The following AGO2 variants were observed in gnomAD, a reference collection of about 807,000 sequenced individuals.
AGO2 encodes the protein argonaute RISC catalytic component 2.
A neutral mutation model predicts 102.3 loss-of-function variants in AGO2; 5 were observed. That is an observed-to-expected ratio of 0.05 (90% CI 0.03 to 0.10). The LOEUF (loss-of-function observed/expected upper bound fraction) is 0.10, where lower values mean the gene tolerates loss of function less well. Among genes scored for constraint, AGO2 ranks in the 10% least tolerant of loss-of-function variants. The probability of loss-of-function intolerance (pLI) is 1.00; values close to 1 mark genes in which losing one functional copy is unlikely to be tolerated. For synonymous variants in AGO2, 449 were observed against 473.1 expected (o/e 0.95, Z 0.66); for missense variants, 541 against 1,183.7 (o/e 0.46, Z 7.97).
intron 1 of AGO2, among the ~76,000 whole-genome samples, chr8:140,611,762 G>A (rs1350706459): frequency 1.3e-5 from 2 of 152,164 alleles, no homozygotes; most frequent in Non-Finnish European, 2.9e-5. Context: ...ACCTCGAGTA[G>A]GGTGCCGGGC....
At chr8:140,566,941 C>T (rs930787567) in intron 3 of AGO2, among the ~76,000 whole-genome samples, 23 of 152,082 alleles carry the variant, frequency 1.5e-4, no homozygotes, top group Non-Finnish European at 1.3e-4. Context: ...TGGGAGAGCG[C>T]GTGCATTTCC....
intron 1 of AGO2, among the ~76,000 whole-genome samples, chr8:140,594,721 T>A (rs565534607): frequency 6.6e-6 from 1 of 151,828 alleles, no homozygotes; most frequent in African/African-American, 2.4e-5. Flanking sequence ...GATGGGAGGA[T>A]CACTTGAGCC....
At chr8:140,560,597 A>G in intron 4 of AGO2, 87 bp from the exon 5 acceptor site, 1 of 1,476,172 alleles carries the variant, frequency 6.8e-7, no homozygotes, top group Non-Finnish European at 9.2e-7. Context: ...GCCTGCGCCC[A>G]CCACACCCTC....
At chr8:140,610,923 C>T (rs1049264669) in intron 1 of AGO2, among the ~76,000 whole-genome samples, 2 of 152,256 alleles carry the variant, frequency 1.3e-5, no homozygotes, top group Admixed American at 1.3e-4. Flanking sequence ...TTTATTCAAA[C>T]ATGTGTGTAA....
At chr8:140,592,797 G>A (rs1179640421) in intron 1 of AGO2, 2 of 152,326 alleles carry the variant, frequency 1.3e-5, no homozygotes, top group African/African-American at 4.8e-5. Context: ...CACCCAGCCT[G>A]TTTCAACTAA....
intron 1 of AGO2, among the ~76,000 whole-genome samples, chr8:140,601,566 T>G (rs906786918): frequency 6.6e-6 from 1 of 152,166 alleles, no homozygotes; most frequent in African/African-American, 2.4e-5. Context: ...AGGTTCTGAT[T>G]TTCCCTTTGC....
intron 1 of AGO2, among the ~76,000 whole-genome samples, chr8:140,608,684 A>G (rs868224): frequency 0.063 from 9,646 of 152,212 alleles, 916 homozygotes; most frequent in African/African-American, 0.21. Flanking sequence ...CCCAACCTCC[A>G]CTGCGCAGGC....
upstream of AGO2, among the ~76,000 whole-genome samples, chr8:140,638,991 C>T (rs1308726923): frequency 6.6e-6 from 1 of 152,156 alleles, no homozygotes; most frequent in Admixed American, 6.6e-5. Context: ...AATCCTCCTA[C>T]CTCAGCCTCC....
intron 1 of AGO2, among the ~76,000 whole-genome samples, chr8:140,588,982 C>T (rs886144561): frequency 2.6e-5 from 4 of 152,238 alleles, no homozygotes; most frequent in Admixed American, 2.0e-4. Flanking sequence ...AATGAGTAAT[C>T]GGCTTCCTGT....
rs773615706 is a variant in AGO2, at chr8:140,558,475, G to A, written c.878+10C>T. On this transcript the variant is annotated intron_variant, in intron 7 of 18. Coordinates refer to ENST00000220592, the MANE Select transcript of AGO2 (RefSeq NM_012154.5). Reference sequence around the variant, plus strand: ...CCAGCCAAGAGAGTCTGAAAGGAAGGGCGTGTTACGTTTGGTGACTGGCGG... The same window carrying A: ...CCAGCCAAGAGAGTCTGAAAGGAAGAGCGTGTTACGTTTGGTGACTGGCGG... 9.9e-6 allele frequency: 16 copies of A among 1,614,020 alleles called. No homozygotes were observed. Among genetic ancestry groups the A allele is most frequent in the Non-Finnish European group, 1.3e-5 (15 of 1,179,972 alleles).
intron 6 of AGO2, among the ~76,000 whole-genome samples, chr8:140,559,183 C>T (rs1057070025): frequency 6.6e-6 from 1 of 152,200 alleles, no homozygotes; most frequent in South Asian, 2.1e-4. Flanking sequence ...CTCATCCTCA[C>T]CCCATGGGGT....
intron 13 of AGO2, among the ~76,000 whole-genome samples, chr8:140,545,296 G>A (rs774053775): frequency 5.9e-5 from 9 of 152,124 alleles, no homozygotes; most frequent in East Asian, 3.9e-4. Context: ...CAAGGTCACC[G>A]ATGAGCTCTG....
chr8:140,600,578 G>C (rs557876277), intron 1 of AGO2, among the ~76,000 whole-genome samples: 1 of 152,136 alleles, frequency 6.6e-6, no homozygotes, highest in African/African-American at 2.4e-5. Flanking sequence ...TACTTGGGAG[G>C]CTGAGGCAGG....
In AGO2 at chr8:140,627,186, G is replaced by A. The variant is rs182541395; in HGVS notation, c.22+8299C>T. ...AGAAGCCTGGGAATGTGGGTCCCAC[G>A]GGAGGATCCTTTCACTATCAAAGCC... On this transcript the variant is annotated intron_variant, in intron 1 of 18. Transcript: ENST00000220592. 6.2e-4 allele frequency among the ~76,000 whole-genome samples: 95 copies of A among 152,316 alleles called. 1 individual carries two copies. The highest frequency in any genetic ancestry group is 3.7e-3 in the Admixed American group (57 of 15,308).
chr8:140,619,381 A>T (rs1449231806), intron 1 of AGO2, among the ~76,000 whole-genome samples: 1 of 152,174 alleles, frequency 6.6e-6, no homozygotes, highest in Admixed American at 6.5e-5. Flanking sequence ...CTTACACTAG[A>T]CGCAACGACA....
At position 140,526,542 on chromosome 8, in the gene AGO2, T is replaced by C. The variant is rs1009203942; in HGVS notation, c.*5502A>G. On this transcript the variant is annotated 3_prime_UTR_variant, in exon 19 of 19. Transcript: ENST00000220592. This position sits in a 1 kb window ranked among gnomAD's most constrained non-coding sequence, Gnocchi z 5.2. ...CATTTTCAAGCCAGAACTGAACAGATAGATGTTCACAATTCAGTTTATTCA... is the reference window on the plus strand; with the variant it reads ...CATTTTCAAGCCAGAACTGAACAGACAGATGTTCACAATTCAGTTTATTCA... The C allele has an allele frequency of 1.3e-5, 2 of 152,242 alleles. No individual in the cohort carries two copies. Among genetic ancestry groups the C allele is most frequent in the African/African-American group, 4.8e-5 (2 of 41,466 alleles). 9.4% of individuals were successfully genotyped at this position (152,242 alleles called of 1,614,324 possible). A position where few individuals can be genotyped will look rare whatever the true frequency, so the allele number is the denominator to read the frequency against.
upstream of AGO2, among the ~76,000 whole-genome samples, chr8:140,639,349 C>T (rs1203546574): frequency 6.6e-6 from 1 of 152,098 alleles, no homozygotes; most frequent in Non-Finnish European, 1.5e-5. Context: ...GTTGTGGTGG[C>T]ACGCGCCTGT....
intron 1 of AGO2, among the ~76,000 whole-genome samples, chr8:140,595,949 T>TATATGTA (rs1554708940): frequency 3.5e-5 from 4 of 113,764 alleles, no homozygotes; most frequent in Non-Finnish European, 6.7e-5. Flanking sequence ...ATATATATTT[T>TATATGTA]ATATATAATA....
At chr8:140,554,091 C>T (rs1298812836) in intron 10 of AGO2, among the ~76,000 whole-genome samples, 1 of 152,242 alleles carries the variant, frequency 6.6e-6, no homozygotes, top group Non-Finnish European at 1.5e-5. Context: ...ACTGCCCTTG[C>T]TAACAGCTGA....
Sources: gnomAD v4.1 joint callset for allele counts (sites outside exome capture counted in the v4.1 genomes callset) on GRCh38, gnomAD v4.1.1 for gene constraint, Gnocchi (gnomAD v3.1) non-coding constraint, MANE v1.5 for transcripts, NCBI Gene and HGNC (gene_info 2026-07-23, HGNC 2026-07-21) for gene names.